OPTC: variants seen among roughly 807,000 people sequenced by gnomAD.
The protein encoded by OPTC is opticin.
In OPTC, 22 loss-of-function variants were observed where a neutral mutation model predicts 25.4. The ratio of observed to expected loss-of-function variants is 0.87; its 90% CI spans 0.62 to 1.24. The LOEUF (loss-of-function observed/expected upper bound fraction) is 1.24. Ranked by LOEUF, OPTC falls within the 50% of genes most tolerant of loss-of-function variation. The pLI is 0.00. For missense variants in OPTC, 417 were observed against 425.2 expected (o/e 0.98, Z 0.17); for synonymous variants, 169 against 179.3 (o/e 0.94, Z 0.46).
At chr1:203,504,837 T>G (rs1367891379) in intron 7 of OPTC, among the ~76,000 whole-genome samples, 1 of 152,190 alleles carries the variant, frequency 6.6e-6, no homozygotes, top group Non-Finnish European at 1.5e-5. Context: ...TCCCATTCGC[T>G]CCTACATGTT....
chr1:203,500,154 ACCT>A (rs1435021873), intron 5 of OPTC, among the ~76,000 whole-genome samples: 1 of 44,466 alleles, frequency 2.2e-5, no homozygotes, highest in Non-Finnish European at 4.4e-5. Context: ...ACCCACCTCC[ACCT>A]CCACCACCCA....
At chr1:203,500,113 G>A (rs1416780992) in intron 5 of OPTC, among the ~76,000 whole-genome samples, 26 of 86 alleles carry the variant, frequency 0.3, 1 homozygote, top group South Asian at 0.5. Flanking sequence ...ACCTACCACT[G>A]CCACCACCAC....
rs762147346 is a variant in OPTC at position 203,498,792 on chromosome 1, G to A, written c.482G>A (p.Arg161His). ...LPRRTAYLYA[R>H]FNRISRIRAE... ...CGGAGGACTGCCTACCTGTATGCAC[G>A]CTTCAACCGCATCAGCCGTATCAGG... The change falls in exon 4 of 8, where the codon CGC becomes CAC. Residue 161 changes from arginine (R) to histidine (H), a missense_variant. Arg to His is a conservative substitution (Grantham distance 29). Transcript: ENST00000367222. The A allele has an allele frequency of 2.6e-5, 42 of 1,613,888 alleles. No individual in the cohort carries two copies. The highest frequency in any genetic ancestry group is 2.1e-4 in the African/African-American group (16 of 74,918).
Position 203,502,966 on chromosome 1 carries a change from T to C in OPTC, c.785T>C (p.Ile262Thr), listed in dbSNP as rs769593149. 1 of 1,613,974 alleles carries C rather than the reference T, an allele frequency of 6.2e-7. No individual in the cohort carries two copies. Among genetic ancestry groups the C allele is most frequent in the East Asian group, 2.2e-5 (1 of 44,872 alleles). ...CTGTCAGACAACCTGCTGGATTCTATCCCGGGGCCTTTGCCCCTGAGCCTG... is the reference window on the plus strand; with the variant it reads ...CTGTCAGACAACCTGCTGGATTCTACCCCGGGGCCTTTGCCCCTGAGCCTG... ...LYLSDNLLDS[I>T]PGPLPLSLRS... Residue 262 changes from isoleucine (I) to threonine (T), a missense_variant, in exon 6 of 8, where the codon ATC becomes ACC. Physicochemically the swap from Ile to Thr is moderately conservative, Grantham distance 89 (BLOSUM62 -1). Coordinates refer to ENST00000367222, the MANE Select transcript of OPTC (RefSeq NM_014359.4).
At chr1:203,502,875 G>A in intron 5 of OPTC, 39 bp from the exon 6 acceptor site, 5 of 1,544,566 alleles carry the variant, frequency 3.2e-6, no homozygotes, top group Non-Finnish European at 3.6e-6. Context: ...GGGTCCAACA[G>A]GACCCACCAG....
At chr1:203,501,400 C>A (rs1661389890) in intron 5 of OPTC, among the ~76,000 whole-genome samples, 1 of 152,162 alleles carries the variant, frequency 6.6e-6, no homozygotes, top group African/African-American at 2.4e-5. Flanking sequence ...TGTGCCTGTC[C>A]AAGAGAGACT....
intron 5 of OPTC, among the ~76,000 whole-genome samples, chr1:203,502,521 C>T (rs1661406563): frequency 6.6e-6 from 1 of 152,096 alleles, no homozygotes; most frequent in Non-Finnish European, 1.5e-5. Flanking sequence ...CCAGGTTTAG[C>T]ATTTGGAGAC....
intron 3 of OPTC, 34 bp downstream of exon 3, chr1:203,497,149 A>G (rs1319577812): frequency 3.1e-6 from 5 of 1,612,908 alleles, no homozygotes; most frequent in Non-Finnish European, 2.5e-6. Flanking sequence ...CAATATCCCT[A>G]GGTCATAGGC....
In OPTC at chr1:203,503,706, G is replaced by A. The variant is rs370054180; in HGVS notation, c.985G>A (p.Gly329Ser). The change falls in exon 7 of 8, where the codon GGC becomes AGC. Residue 329 changes from glycine to serine, a missense_variant. Coordinates refer to ENST00000367222, the MANE Select transcript of OPTC (RefSeq NM_014359.4). Reference protein sequence around the residue: ...AYFCLPRLPIGRFT With the variant: ...AYFCLPRLPISRFT ...CTTCTGCCTGCCTCGGCTCCCCATCGGCCGCTTCACGTAGCTCGGAGCCCT... is the reference window on the plus strand; with the variant it reads ...CTTCTGCCTGCCTCGGCTCCCCATCAGCCGCTTCACGTAGCTCGGAGCCCT... The A allele has an allele frequency of 1.5e-4, 237 of 1,607,748 alleles. No homozygotes were observed. Among genetic ancestry groups the A allele is most frequent in the Non-Finnish European group, 1.9e-4 (222 of 1,179,992 alleles).
Position 203,502,949 on chromosome 1 carries a change from C to A in OPTC, c.768C>A (p.Asp256Glu), listed in dbSNP as rs1661414145. 2 of 1,613,986 alleles carry A rather than the reference C, an allele frequency of 1.2e-6. No homozygotes were observed. Among genetic ancestry groups the A allele is most frequent in the Admixed American group, 1.7e-5 (1 of 60,026 alleles). ...MEKLQFLYLS[D>E]NLLDSIPGPL... ...AGCTGCAGTTCCTTTACCTGTCAGA[C>A]AACCTGCTGGATTCTATCCCGGGGC... The change falls in exon 6 of 8, where the codon GAC becomes GAA. Residue 256 changes from aspartate to glutamate, a missense_variant. Physicochemically the swap from Asp to Glu is conservative, Grantham distance 45. Transcript: ENST00000367222.
chr1:203,501,820 C>T (rs1401465243), intron 5 of OPTC, among the ~76,000 whole-genome samples: 2 of 152,092 alleles, frequency 1.3e-5, no homozygotes, highest in East Asian at 1.9e-4. Flanking sequence ...CACGTGACCC[C>T]GGGCCTCAGT....
At chr1:203,496,320 G>A (rs903083358) in intron 2 of OPTC, 84 bp downstream of exon 2, 18 of 957,862 alleles carry the variant, frequency 1.9e-5, no homozygotes, top group Non-Finnish European at 2.3e-5. Flanking sequence ...CCCAAAGTGC[G>A]GGTGTCTCCA....
chr1:203,497,393 A>G (rs1571596285), intron 3 of OPTC, among the ~76,000 whole-genome samples: 1 of 152,190 alleles, frequency 6.6e-6, no homozygotes, highest in African/African-American at 2.4e-5. Context: ...TAGCAAAGCC[A>G]CCCTGCCTTA....
chr1:203,500,876 G>A (rs1661382101), intron 5 of OPTC, among the ~76,000 whole-genome samples: 1 of 152,174 alleles, frequency 6.6e-6, no homozygotes, highest in Non-Finnish European at 1.5e-5. Flanking sequence ...GGGACACACG[G>A]CCTCTTGTCT....
rs747814 is a variant in OPTC, at chr1:203,498,712, C to G, written c.402C>G (p.Leu134=). 2 of 1,614,098 alleles carry G rather than the reference C, an allele frequency of 1.2e-6. No individual in the cohort carries two copies. The highest frequency in any genetic ancestry group is 2.7e-5 in the African/African-American group (2 of 74,944). The change falls in exon 4 of 8, where the codon CTC becomes CTG. Residue 134 remains leucine, a synonymous_variant. Transcript: ENST00000367222. The part of the protein sequence containing the change: ...GLPTCLVCVC[L]GSSVYCDDID... ...CCACCTGCCTGGTCTGCGTGTGCCT[C>G]GGTTCCTCTGTGTATTGCGATGACA...
chr1:203,496,649 T>C (rs1301038318), intron 2 of OPTC, among the ~76,000 whole-genome samples: 1 of 152,172 alleles, frequency 6.6e-6, no homozygotes, highest in Non-Finnish European at 1.5e-5. Context: ...CAATTGTGCG[T>C]GAGCCTGGTC....
intron 7 of OPTC, among the ~76,000 whole-genome samples, chr1:203,507,020 G>T (rs748694596): frequency 3.9e-5 from 6 of 152,232 alleles, no homozygotes; most frequent in Non-Finnish European, 7.3e-5. Flanking sequence ...GGAATAGAAA[G>T]AATGCCCTTG....
chr1:203,506,370 C>T (rs1182367144), intron 7 of OPTC, among the ~76,000 whole-genome samples: 3 of 151,816 alleles, frequency 2.0e-5, no homozygotes, highest in African/African-American at 4.8e-5. Flanking sequence ...AGGCTGGTCT[C>T]GAACTCCTGA....
Position 203,496,212 on chromosome 1 carries a change from A to G in OPTC, c.207A>G (p.Thr69=), listed in dbSNP as rs1313010022. 9 of 1,613,424 alleles carry G rather than the reference A, an allele frequency of 5.6e-6. No homozygotes were observed. In the Admixed American group the frequency reaches 1.3e-4, roughly 24 times the overall value. Reference sequence around the variant, plus strand: ...ACCTGAGCAACTATGAGGAGCTCACAGATTATGGGGACCAACTCCCCGAGG... The same window carrying G: ...ACCTGAGCAACTATGAGGAGCTCACGGATTATGGGGACCAACTCCCCGAGG... ...VIDLSNYEEL[T]DYGDQLPEVK... Residue 69 remains threonine, a synonymous_variant, in exon 2 of 8, where the codon ACA becomes ACG. Coordinates refer to ENST00000367222, the MANE Select transcript of OPTC (RefSeq NM_014359.4).
Sources: allele counts gnomAD v4.1 joint callset (sites outside exome capture counted in the v4.1 genomes callset), GRCh38; gene constraint gnomAD v4.1.1; transcripts MANE v1.5; gene names NCBI Gene and HGNC (gene_info 2026-07-23, HGNC 2026-07-21).